The following NECAB1 variants were observed in gnomAD, a reference collection of about 807,000 sequenced individuals.
The protein encoded by NECAB1 is N-terminal EF-hand calcium-binding protein 1.
NECAB1 carries 29 observed loss-of-function variants against 57.5 expected under a neutral mutation model. The ratio of observed to expected loss-of-function variants is 0.50; its 90% confidence interval spans 0.38 to 0.69. NECAB1 has a LOEUF of 0.69. Ranked by LOEUF, NECAB1 falls within the 30% of genes least tolerant of loss-of-function variation. The probability of loss-of-function intolerance (pLI) is 0.00; values close to 1 mark genes in which losing one functional copy is unlikely to be tolerated. For missense variants in NECAB1, 372 were observed against 413.8 expected (o/e 0.90, Z 0.88); for synonymous variants, 142 against 147.7 (o/e 0.96, Z 0.28).
chr8:90,807,480 A>T (rs189207741), intron 2 of NECAB1, among the ~76,000 whole-genome samples: 18 of 152,222 alleles, frequency 1.2e-4, no homozygotes, highest in Admixed American at 5.9e-4. Flanking sequence ...AGAGTCCCGC[A>T]GAGCTCTGTG....
At chr8:90,856,868 G>A (rs956177662) in intron 3 of NECAB1, among the ~76,000 whole-genome samples, 1 of 152,084 alleles carries the variant, frequency 6.6e-6, no homozygotes, top group African/African-American at 2.4e-5. Context: ...TAAGATGACC[G>A]ATTTCCTCTG....
At chr8:90,842,240 A>G (rs1812467587) in intron 3 of NECAB1, among the ~76,000 whole-genome samples, 1 of 152,224 alleles carries the variant, frequency 6.6e-6, no homozygotes, top group Non-Finnish European at 1.5e-5. Flanking sequence ...GGAGTATTAC[A>G]TCATAGACCA....
In NECAB1 at chr8:90,958,302, G is replaced by C. The variant is rs1811068790; in HGVS notation, c.*2790G>C. The C allele has an allele frequency of 6.6e-6, 1 of 151,440 alleles. No homozygotes were observed. Among genetic ancestry groups the C allele is most frequent in the South Asian group, 2.1e-4 (1 of 4,814 alleles). 9.4% of individuals were successfully genotyped at this position (151,440 alleles called of 1,614,324 possible). A position where few individuals can be genotyped will look rare whatever the true frequency, so the allele number is the denominator to read the frequency against. On this transcript the variant is annotated 3_prime_UTR_variant, in exon 13 of 13. Transcript: ENST00000417640. ...TTTACTTTGAAATTGCTCAACTTCT[G>C]CTATTCATATGGTCTGATTAGTGAC...
At chr8:90,930,874 G>C (rs1810387094) in intron 8 of NECAB1, among the ~76,000 whole-genome samples, 1 of 152,044 alleles carries the variant, frequency 6.6e-6, no homozygotes, top group African/African-American at 2.4e-5. Flanking sequence ...TAAAACATAA[G>C]GATTCATTTG....
At chr8:90,883,890 C>A (rs1285851415) in intron 5 of NECAB1, among the ~76,000 whole-genome samples, 1 of 152,128 alleles carries the variant, frequency 6.6e-6, no homozygotes, top group Non-Finnish European at 1.5e-5. Flanking sequence ...AGCTAACTTG[C>A]AGCATTAGTA....
chr8:90,808,520 A>G (rs1811893066), intron 2 of NECAB1, among the ~76,000 whole-genome samples: 2 of 152,068 alleles, frequency 1.3e-5, no homozygotes, highest in Admixed American at 1.3e-4. Context: ...TCTCTCACAG[A>G]CTTGTTGGAA....
At position 90,928,281 on chromosome 8, in the gene NECAB1, T is replaced by G. The variant is rs1327964770; in HGVS notation, c.675T>G (p.Ile225Met). 1 of 1,608,226 alleles carries G rather than the reference T, an allele frequency of 6.2e-7. No homozygotes were observed. The highest frequency in any genetic ancestry group is 2.2e-5 in the East Asian group (1 of 44,704). Residue 225 changes from isoleucine to methionine, a missense_variant, in exon 8 of 13, where the codon ATT becomes ATG. By Grantham distance (10) the Ile-to-Met change is conservative. Coordinates refer to ENST00000417640, the MANE Select transcript of NECAB1 (RefSeq NM_022351.5). ...AGATAAATAGACTCCAGAAATTAAT[T>G]GATAGACTGGAAAAGAAGGTAGGTG... is the stretch of plus-strand genomic sequence containing the variant. The part of the protein sequence containing the change: ...MTQINRLQKL[I>M]DRLEKKDLKL...
At chr8:90,903,104 A>T (rs1809547106) in intron 5 of NECAB1, among the ~76,000 whole-genome samples, 1 of 152,030 alleles carries the variant, frequency 6.6e-6, no homozygotes, top group Non-Finnish European at 1.5e-5. Context: ...TAAAATGTAC[A>T]TGTAGTTGGT....
At position 90,949,818 on chromosome 8, in the gene NECAB1, A is replaced by G. The variant is rs954277513; in HGVS notation, c.872A>G (p.Gln291Arg). ...SQSGCLRISI[Q>R]KLSNESRYMI... ...ATTTTCCATTTCAGTATTTCTATAC[A>G]GAAGCTTTCAAATGAATCTCGCTAC... Residue 291 changes from glutamine to arginine, a missense_variant, in exon 11 of 13, where the codon CAG becomes CGG. Coordinates refer to ENST00000417640, the MANE Select transcript of NECAB1 (RefSeq NM_022351.5). 6.2e-7 allele frequency: 1 copy of G among 1,600,796 alleles called. No homozygotes were observed. Among genetic ancestry groups the G allele is most frequent in the Non-Finnish European group, 8.5e-7 (1 of 1,169,772 alleles).
intron 12 of NECAB1, among the ~76,000 whole-genome samples, chr8:90,951,707 C>T (rs1810926563): frequency 6.6e-6 from 1 of 151,968 alleles, no homozygotes; most frequent in Non-Finnish European, 1.5e-5. Flanking sequence ...AAAATCCCTA[C>T]CCATAAAGTG....
At chr8:90,863,866 G>A (rs1808456487) in intron 3 of NECAB1, among the ~76,000 whole-genome samples, 1 of 151,966 alleles carries the variant, frequency 6.6e-6, no homozygotes, top group Non-Finnish European at 1.5e-5. Context: ...TCCATATTGT[G>A]CTAATGTTTC....
chr8:90,917,964 A>G (rs1455555964), intron 6 of NECAB1, among the ~76,000 whole-genome samples: 1 of 38,974 alleles, frequency 2.6e-5, no homozygotes. Context: ...ACACACACAT[A>G]TGTGTGTGTG....
chr8:90,859,448 G>GA (rs1563508189), intron 3 of NECAB1, among the ~76,000 whole-genome samples: 1 of 152,198 alleles, frequency 6.6e-6, no homozygotes, highest in African/African-American at 2.4e-5. Flanking sequence ...AGTGGGGAAA[G>GA]AATGTAACTA....
At chr8:90,831,310 T>C (rs761357580) in intron 3 of NECAB1, among the ~76,000 whole-genome samples, 2 of 152,076 alleles carry the variant, frequency 1.3e-5, no homozygotes, top group Non-Finnish European at 2.9e-5. Flanking sequence ...TAATGCAAAA[T>C]AGAACCAGGA....
rs373394393 is a variant in NECAB1, at chr8:90,928,209, C to T, written c.617-14C>T. ...AGTTTAACATATTGCCCTCATGATTCCCCCTGGCCCCAGGCTTATTAGAAG... is the reference window on the plus strand; with the variant it reads ...AGTTTAACATATTGCCCTCATGATTTCCCCTGGCCCCAGGCTTATTAGAAG... On this transcript the variant is annotated splice_polypyrimidine_tract_variant and intron_variant, in intron 7 of 12. Coordinates refer to ENST00000417640, the MANE Select transcript of NECAB1 (RefSeq NM_022351.5). 2 of 1,586,126 alleles carry T rather than the reference C, an allele frequency of 1.3e-6. No homozygotes were observed. Among genetic ancestry groups the T allele is most frequent in the South Asian group, 1.1e-5 (1 of 89,318 alleles).
At position 90,959,348 on chromosome 8, in the gene NECAB1, G is replaced by C; in HGVS notation, c.*3836G>C. 1 of 165,492 alleles carries C rather than the reference G, an allele frequency of 6.0e-6. No homozygotes were observed. Among genetic ancestry groups the C allele is most frequent in the East Asian group, 1.7e-4 (1 of 5,770 alleles). 10.3% of individuals were successfully genotyped at this position (165,492 alleles called of 1,614,324 possible). A position where few individuals can be genotyped will look rare whatever the true frequency, so the allele number is the denominator to read the frequency against. ...CTAATGTACAAGTTTGTTTTAAAAA[G>C]TGTATGTCAAGCTTTTATTTACACA... On this transcript the variant is annotated 3_prime_UTR_variant, in exon 13 of 13. Coordinates refer to ENST00000417640, the MANE Select transcript of NECAB1 (RefSeq NM_022351.5).
chr8:90,849,562 G>A (rs1054584497), intron 3 of NECAB1, among the ~76,000 whole-genome samples: 1 of 138,976 alleles, frequency 7.2e-6, no homozygotes, highest in African/African-American at 2.7e-5. Flanking sequence ...ATGCCAAACT[G>A]TCCAGATAAG....
chr8:90,853,083 G>A (rs1275799330), intron 3 of NECAB1, among the ~76,000 whole-genome samples: 1 of 152,236 alleles, frequency 6.6e-6, no homozygotes, highest in Non-Finnish European at 1.5e-5. Flanking sequence ...GCCCCCTTGA[G>A]GCTGCCATGG....
chr8:90,922,603 C>T (rs1810149238), intron 6 of NECAB1, among the ~76,000 whole-genome samples: 1 of 147,074 alleles, frequency 6.8e-6, no homozygotes, highest in Admixed American at 6.9e-5. Context: ...AGCAATTCTC[C>T]TGCGTCAGAC....
Sources: gnomAD v4.1 joint callset for allele counts (sites outside exome capture counted in the v4.1 genomes callset) on GRCh38, gnomAD v4.1.1 for gene constraint, MANE v1.5 for transcripts, NCBI Gene and HGNC (gene_info 2026-07-23, HGNC 2026-07-21) for gene names.